QRFPR: variants seen among roughly 807,000 people sequenced by gnomAD.
The protein encoded by QRFPR is pyroglutamylated RF-amide peptide receptor.
A neutral mutation model predicts 31.3 loss-of-function variants in QRFPR; 37 were observed. The ratio of observed to expected loss-of-function variants is 1.18; its 90% CI spans 0.91 to 1.56. The LOEUF (loss-of-function observed/expected upper bound fraction) is 1.56. Ranked by LOEUF, QRFPR falls within the 40% of genes most tolerant of loss-of-function variation. The pLI, the probability that QRFPR is intolerant of heterozygous loss-of-function variation, is 0.00. For synonymous variants in QRFPR, 197 were observed against 192.0 expected (o/e 1.03, Z -0.22); for missense variants, 542 against 532.5 (o/e 1.02, Z -0.18).
chr4:121,332,189 T>C (rs1213520939), intron 4 of QRFPR, among the ~76,000 whole-genome samples: 1 of 152,178 alleles, frequency 6.6e-6, no homozygotes, highest in African/African-American at 2.4e-5. Context: ...TTGTTTCTAA[T>C]AGTCATTCAG....
Position 121,361,320 on chromosome 4 carries a change from C to T in QRFPR, c.340+18988G>A, listed in dbSNP as rs192344414. Reference sequence around the variant, plus strand: ...GATAGTGTATTACATTCTGCACCCTCCTTGGTATAATGATGATGTGGAAGT... The same window carrying T: ...GATAGTGTATTACATTCTGCACCCTTCTTGGTATAATGATGATGTGGAAGT... On this transcript the variant is annotated intron_variant, in intron 1 of 5. Transcript: ENST00000394427. Among the ~76,000 whole-genome samples, 28 of 150,122 alleles carry T rather than the reference C, an allele frequency of 1.9e-4. 2 individuals are homozygous for T. Among genetic ancestry groups the T allele is most frequent in the African/African-American group, 6.9e-4 (28 of 40,640 alleles).
rs1560737818 is a variant in QRFPR, at chr4:121,348,483, T to C, written c.341-7873A>G. The stretch of plus-strand genomic sequence containing the variant: ...TGACTGCAGTTTGTGTTTTGCTTTG[T>C]TTTATTTTTAATGACTGCTCTATAG... On this transcript the variant is annotated intron_variant, in intron 1 of 5. Transcript: ENST00000394427. Among the ~76,000 whole-genome samples, 3 of 152,168 alleles carry C rather than the reference T, an allele frequency of 2.0e-5. No individual in the cohort carries two copies. The South Asian group carries it at 6.2e-4, about 32-fold the overall frequency.
At position 121,336,857 on chromosome 4, in the gene QRFPR, G is replaced by C. The variant is rs1363569792; in HGVS notation, c.511C>G (p.Leu171Val). 6 of 1,613,918 alleles carry C rather than the reference G, an allele frequency of 3.7e-6. No individual in the cohort carries two copies. The highest frequency in any genetic ancestry group is 5.1e-6 in the Non-Finnish European group (6 of 1,179,892). ...RAFTMLGVVW[L>V]VAVIVGSPMW... ...GGTGATCCTACGATGACTGCCACCA[G>C]CCAGACCACACCTGTAAAAGTGTTA... Residue 171 changes from leucine (L) to valine (V), a missense_variant, in exon 3 of 6, where the codon CTG (leucine) becomes GTG (valine). Leu to Val is a conservative substitution (Grantham distance 32). Transcript: ENST00000394427.
Position 121,329,035 on chromosome 4 carries a change from TG to T in QRFPR, c.*278del. The T allele has an allele frequency of 3.9e-6, 1 of 255,610 alleles. No individual in the cohort carries two copies. The highest frequency in any genetic ancestry group is 7.4e-6 in the Non-Finnish European group (1 of 135,902). The allele number at this position is 255,610 out of a possible 1,614,324, so 15.8% of individuals were successfully genotyped here. A position where few individuals can be genotyped will look rare whatever the true frequency, so the allele number is the denominator to read the frequency against. On this transcript the variant is annotated 3_prime_UTR_variant, in exon 6 of 6. Coordinates refer to ENST00000394427, the MANE Select transcript of QRFPR (RefSeq NM_198179.3). ...TCCCAAAGTGCTGGGATTACAGGCATGAGCCACCGTGCCTGGCCTTCCATGT... is the reference window on the plus strand; with the variant it reads ...TCCCAAAGTGCTGGGATTACAGGCATAGCCACCGTGCCTGGCCTTCCATGT...
At chr4:121,368,014 C>A (rs1390367601) in intron 1 of QRFPR, among the ~76,000 whole-genome samples, 1 of 149,376 alleles carries the variant, frequency 6.7e-6, no homozygotes, top group Admixed American at 6.7e-5. Context: ...GCTTCTTACA[C>A]AGACAAGGTA....
intron 1 of QRFPR, among the ~76,000 whole-genome samples, chr4:121,354,848 G>T (rs774061675): frequency 6.6e-6 from 1 of 151,890 alleles, no homozygotes; most frequent in African/African-American, 2.4e-5. Flanking sequence ...GTCTTCCATA[G>T]TGTTGATATG....
Position 121,380,631 on chromosome 4 carries a change from A to C in QRFPR, c.17T>G (p.Ile6Ser). Residue 6 changes from isoleucine (I) to serine (S), a missense_variant, in exon 1 of 6, where the codon ATT becomes AGT. By Grantham distance (142) the Ile-to-Ser change is moderately radical. Transcript: ENST00000394427. ...CAGCCGAGAGAACTGCTCCGGGGTA[A>C]TGTTAAGCGCCTGCATTGCTGTGCG... MQALN[I>S]TPEQFSRLLR... 1 of 1,570,806 alleles carries C rather than the reference A, an allele frequency of 6.4e-7. No individual in the cohort carries two copies. Among genetic ancestry groups the C allele is most frequent in the Non-Finnish European group, 8.7e-7 (1 of 1,154,752 alleles).
chr4:121,337,194 A>G (rs868550267), intron 2 of QRFPR, among the ~76,000 whole-genome samples: 1 of 151,976 alleles, frequency 6.6e-6, no homozygotes, highest in Admixed American at 6.6e-5. Flanking sequence ...TGCTCTTCAC[A>G]CCGCAGTCCT....
At chr4:121,350,363 G>A (rs780424269) in intron 1 of QRFPR, among the ~76,000 whole-genome samples, 2 of 151,996 alleles carry the variant, frequency 1.3e-5, no homozygotes, top group African/African-American at 2.4e-5. Context: ...TTCAGCGAGC[G>A]GTGTCTGGTG....
intron 1 of QRFPR, among the ~76,000 whole-genome samples, chr4:121,372,948 A>G (rs1726279937): frequency 6.6e-6 from 1 of 152,182 alleles, no homozygotes; most frequent in Non-Finnish European, 1.5e-5. Flanking sequence ...ACACAGAGGG[A>G]AGTGGAGCTG....
At chr4:121,369,643 A>T in intron 1 of QRFPR, 1 of 1,600,150 alleles carries the variant, frequency 6.2e-7, no homozygotes, top group Non-Finnish European at 8.6e-7. Context: ...AACTTCCAGA[A>T]TCATACTTCT....
At chr4:121,367,649 T>C (rs371527437) in intron 1 of QRFPR, among the ~76,000 whole-genome samples, 2 of 150,248 alleles carry the variant, frequency 1.3e-5, no homozygotes, top group African/African-American at 4.9e-5. Context: ...TACACACAAA[T>C]GTAGCTAACA....
In QRFPR at chr4:121,332,809, C is replaced by T. The variant is rs1725353745; in HGVS notation, c.797+12G>A. The T allele has an allele frequency of 6.3e-7, 1 of 1,586,856 alleles. No homozygotes were observed. Among genetic ancestry groups the T allele is most frequent in the Non-Finnish European group, 8.7e-7 (1 of 1,155,960 alleles). On this transcript the variant is annotated intron_variant, in intron 4 of 5. Transcript: ENST00000394427. ...AAATAATTTAAAGAGGTGAATATTT[C>T]ATTAAACAGACCTGGCTATTTTGGA...
At chr4:121,365,392 T>TGC (rs1208115601) in intron 1 of QRFPR, among the ~76,000 whole-genome samples, 1 of 138,284 alleles carries the variant, frequency 7.2e-6, no homozygotes, top group African/African-American at 2.8e-5. Context: ...AGGCAGAGCT[T>TGC]TTAGTGAGCC....
At position 121,380,665 on chromosome 4, in the gene QRFPR, A is replaced by T; in HGVS notation, c.-18T>A. 6.7e-7 allele frequency: 1 copy of T among 1,486,804 alleles called. No homozygotes were observed. The highest frequency in any genetic ancestry group is 2.4e-5 in the East Asian group (1 of 41,106). 92.1% of individuals were successfully genotyped at this position (1,486,804 alleles called of 1,614,324 possible). Reference sequence around the variant, plus strand: ...GCCTGCATTGCTGTGCGCTCCCGGGACGCGGGGCCACCGCCCGCTACTGGC... The same window carrying T: ...GCCTGCATTGCTGTGCGCTCCCGGGTCGCGGGGCCACCGCCCGCTACTGGC... On this transcript the variant is annotated 5_prime_UTR_variant, in exon 1 of 6. Coordinates refer to ENST00000394427, the MANE Select transcript of QRFPR (RefSeq NM_198179.3).
intron 1 of QRFPR, among the ~76,000 whole-genome samples, chr4:121,360,251 T>C (rs1336445952): frequency 6.6e-6 from 1 of 152,194 alleles, no homozygotes; most frequent in Non-Finnish European, 1.5e-5. Flanking sequence ...TAAAATGGTT[T>C]GCCTTTGTCA....
chr4:121,334,352 C>T (rs1725393906), intron 3 of QRFPR: 1 of 154,724 alleles, frequency 6.5e-6, no homozygotes. Context: ...CAAACATACA[C>T]TTCTCTAAAA....
chr4:121,372,753 A>T (rs1403322014), intron 1 of QRFPR, among the ~76,000 whole-genome samples: 1 of 152,232 alleles, frequency 6.6e-6, no homozygotes, highest in Non-Finnish European at 1.5e-5. Flanking sequence ...TAAGTATCAG[A>T]ACTTCATTCC....
intron 1 of QRFPR, among the ~76,000 whole-genome samples, chr4:121,365,589 A>ATT (rs1193793440): frequency 3.0e-4 from 2 of 6,648 alleles, no homozygotes; most frequent in Non-Finnish European, 4.6e-4. Context: ...TATTATATAT[A>ATT]TTATATATAT....
Sources: gnomAD v4.1 joint callset for allele counts (sites outside exome capture counted in the v4.1 genomes callset) on GRCh38, gnomAD v4.1.1 for gene constraint, MANE v1.5 for transcripts, NCBI Gene and HGNC (gene_info 2026-07-23, HGNC 2026-07-21) for gene names.